MAP2K5: variants seen among roughly 807,000 people sequenced by gnomAD.
The protein encoded by MAP2K5 is dual specificity mitogen-activated protein kinase kinase 5.
A neutral mutation model predicts 83.1 loss-of-function variants in MAP2K5; 49 were observed. The ratio of observed to expected loss-of-function variants is 0.59; its 90% confidence interval spans 0.47 to 0.75. MAP2K5 has a LOEUF of 0.75. Among genes scored for constraint, MAP2K5 ranks in the 30% least tolerant of loss-of-function variants. The probability of loss-of-function intolerance (pLI) is 0.00; values close to 1 mark genes in which losing one functional copy is unlikely to be tolerated. For synonymous variants in MAP2K5, 202 were observed against 191.8 expected (o/e 1.05, Z -0.44); for missense variants, 457 against 557.5 (o/e 0.82, Z 1.82).
Position 67,644,480 on chromosome 15 carries a change from T to C in MAP2K5, c.586-1751T>C, listed in dbSNP as rs2086786858. Among the ~76,000 whole-genome samples the C allele has an allele frequency of 6.6e-6, 1 of 152,150 alleles. No individual in the cohort carries two copies. The highest frequency in any genetic ancestry group is 6.6e-5 in the Admixed American group (1 of 15,258). ...TAGAATTTGAACAGTATGGTCTTCTTTCTTAAAAAAATATGTGTTTGAAAT... is the reference window on the plus strand; with the variant it reads ...TAGAATTTGAACAGTATGGTCTTCTCTCTTAAAAAAATATGTGTTTGAAAT... On this transcript the variant is annotated intron_variant, in intron 9 of 21. Transcript: ENST00000178640. The surrounding 1 kb of genome is among the most constrained non-coding windows in gnomAD (Gnocchi z 4.6).
intron 16 of MAP2K5, among the ~76,000 whole-genome samples, chr15:67,710,499 T>G (rs1013092819): frequency 1.2e-3 from 40 of 32,564 alleles, no homozygotes; most frequent in African/African-American, 4.7e-3. Context: ...CTTCTGAAGT[T>G]TTTTTTTTTT....
intron 1 of MAP2K5, among the ~76,000 whole-genome samples, chr15:67,544,848 T>G (rs1410815416): frequency 6.6e-6 from 1 of 152,186 alleles, no homozygotes; most frequent in Non-Finnish European, 1.5e-5. Flanking sequence ...GCCATGCAGA[T>G]TTTTGGGTGC....
intron 21 of MAP2K5, among the ~76,000 whole-genome samples, chr15:67,795,270 T>A (rs941248540): frequency 6.6e-6 from 1 of 152,252 alleles, no homozygotes. Context: ...ATTTGCCATC[T>A]TATGATTTCT....
chr15:67,655,082 G>T (rs2087036971), intron 11 of MAP2K5, among the ~76,000 whole-genome samples: 1 of 149,542 alleles, frequency 6.7e-6, no homozygotes, highest in Non-Finnish European at 1.5e-5. Context: ...AAAAAAAATA[G>T]TATACAAAAA....
At chr15:67,606,795 A>T (rs1481447567) in intron 8 of MAP2K5, among the ~76,000 whole-genome samples, 1 of 152,244 alleles carries the variant, frequency 6.6e-6, no homozygotes, top group Non-Finnish European at 1.5e-5. Flanking sequence ...AAATGAGAAA[A>T]TACATAAATT....
chr15:67,543,245 C>T lies in MAP2K5; in HGVS notation c.-91C>T, dbSNP rs2084329984. 11 of 1,344,756 alleles carry T rather than the reference C, an allele frequency of 8.2e-6. No individual in the cohort carries two copies. In the South Asian group the frequency reaches 1.0e-4, roughly 12 times the overall value. The allele number at this position is 1,344,756 out of a possible 1,614,324, so 83.3% of individuals were successfully genotyped here. On this transcript the variant is annotated 5_prime_UTR_variant, in exon 1 of 22. Coordinates refer to ENST00000178640, the MANE Select transcript of MAP2K5 (RefSeq NM_145160.3). This position sits in a 1 kb window ranked among gnomAD's most constrained non-coding sequence, Gnocchi z 4.3. ...TTGTTTTCACCCTCTGTCCTCTGCC[C>T]GTCACTCCCCTTGTCACCTCTTGGA...
chr15:67,586,420 ATTAT>A lies in MAP2K5; in HGVS notation c.364-423_364-420del, dbSNP rs548102417. Among the ~76,000 whole-genome samples the A allele has an allele frequency of 2.2e-3, 334 of 152,300 alleles. 1 individual carries two copies. The highest frequency in any genetic ancestry group is 3.6e-3 in the Non-Finnish European group (244 of 68,010). On this transcript the variant is annotated intron_variant, in intron 5 of 21. Coordinates refer to ENST00000178640, the MANE Select transcript of MAP2K5 (RefSeq NM_145160.3). ...ATTAGGCTCAAATATTTCATAATTA[ATTAT>A]TTGGACCTCATTTTTTAGTGAATAA...
chr15:67,671,990 A>G (rs576782437), intron 13 of MAP2K5, among the ~76,000 whole-genome samples: 94 of 151,572 alleles, frequency 6.2e-4, no homozygotes, highest in Middle Eastern at 3.4e-3. Context: ...AAGGACATGA[A>G]CTCATCATTT....
chr15:67,597,112 T>C (rs1007495206), intron 7 of MAP2K5, among the ~76,000 whole-genome samples: 4 of 149,338 alleles, frequency 2.7e-5, no homozygotes, highest in African/African-American at 9.9e-5. Flanking sequence ...GAGCTTGCAG[T>C]GAGCCGAGAT....
rs969403325 is a variant in MAP2K5 at position 67,595,854 on chromosome 15, A to G, written c.480+2880A>G. 9.9e-5 allele frequency among the ~76,000 whole-genome samples: 15 copies of G among 152,208 alleles called. 1 individual carries two copies. Among genetic ancestry groups the G allele is most frequent in the African/African-American group, 3.6e-4 (15 of 41,458 alleles). On this transcript the variant is annotated intron_variant, in intron 7 of 21. Transcript: ENST00000178640. ...TATAGTGTGGCATCATCTGTTTAAC[A>G]TTGGCCCTTGATTTGAAACTCATTA...
At position 67,555,424 on chromosome 15, in the gene MAP2K5, G is replaced by A. The variant is rs1490898124; in HGVS notation, c.184+5342G>A. ...ACAAAAACACCTCCTTCCAGGCCCC[G>A]CCTGCAACATTGGGGATCACTTTGG... On this transcript the variant is annotated intron_variant, in intron 2 of 21. Transcript: ENST00000178640. This position sits in a 1 kb window ranked among gnomAD's most constrained non-coding sequence, Gnocchi z 5.2. Among the ~76,000 whole-genome samples the A allele has an allele frequency of 3.9e-5, 6 of 152,130 alleles. No homozygotes were observed. The highest frequency in any genetic ancestry group is 2.1e-4 in the South Asian group (1 of 4,824).
chr15:67,714,161 A>T (rs1463572879), intron 16 of MAP2K5, among the ~76,000 whole-genome samples: 4 of 152,180 alleles, frequency 2.6e-5, no homozygotes, highest in Non-Finnish European at 5.9e-5. Flanking sequence ...CAGAAGATAA[A>T]CAATAATAAA....
chr15:67,625,066 G>A (rs375238841), intron 8 of MAP2K5, among the ~76,000 whole-genome samples: 14 of 152,158 alleles, frequency 9.2e-5, no homozygotes, highest in African/African-American at 3.1e-4. Context: ...GTGAAAGAAG[G>A]GGATTAGGTT....
chr15:67,629,869 A>G (rs190889666), intron 8 of MAP2K5, among the ~76,000 whole-genome samples: 2 of 152,194 alleles, frequency 1.3e-5, no homozygotes, highest in African/African-American at 2.4e-5. Context: ...TTTATTGTAT[A>G]AAAATGTGTT....
Position 67,572,959 on chromosome 15 carries a change from G to A in MAP2K5, c.253-7795G>A, listed in dbSNP as rs1445171207. ...GATCTGCCTGCCTCGGCCTGCCAAA[G>A]TGCTGGGATTACAGGCGTGAGCCAC... On this transcript the variant is annotated intron_variant, in intron 3 of 21. Transcript: ENST00000178640. This position sits in a 1 kb window ranked among gnomAD's most constrained non-coding sequence, Gnocchi z 4.2. Among the ~76,000 whole-genome samples the A allele has an allele frequency of 2.0e-5, 3 of 152,168 alleles. No individual in the cohort carries two copies. The highest frequency in any genetic ancestry group is 4.4e-5 in the Non-Finnish European group (3 of 68,028).
chr15:67,767,789 A>G (rs1179016119), intron 19 of MAP2K5, among the ~76,000 whole-genome samples: 1 of 152,028 alleles, frequency 6.6e-6, no homozygotes, highest in Non-Finnish European at 1.5e-5. Context: ...GGACTGTTTG[A>G]TCAGCCACCC....
chr15:67,598,947 A>G (rs1247444763), intron 7 of MAP2K5, among the ~76,000 whole-genome samples: 1 of 152,196 alleles, frequency 6.6e-6, no homozygotes, highest in East Asian at 1.9e-4. Context: ...ACATGTTTAG[A>G]TTACTTAGAG....
intron 13 of MAP2K5, among the ~76,000 whole-genome samples, chr15:67,674,650 C>T (rs777243126): frequency 2.0e-5 from 3 of 151,982 alleles, no homozygotes; most frequent in African/African-American, 2.4e-5. Flanking sequence ...TCTGTATTTG[C>T]AGTATGTTGT....
chr15:67,560,906 C>G (rs1468313857), intron 2 of MAP2K5, among the ~76,000 whole-genome samples: 1 of 151,904 alleles, frequency 6.6e-6, no homozygotes, highest in Non-Finnish European at 1.5e-5. Context: ...TAATCGGTGC[C>G]CCCCCCTTTT....
Sources: allele counts gnomAD v4.1 joint callset (sites outside exome capture counted in the v4.1 genomes callset), GRCh38; gene constraint gnomAD v4.1.1; non-coding constraint Gnocchi (gnomAD v3.1); transcripts MANE v1.5; gene names NCBI Gene and HGNC (gene_info 2026-07-23, HGNC 2026-07-21).